Variants in TUBGCP6 observed in about 807,000 individuals in gnomAD.
TUBGCP6 encodes the protein tubulin gamma complex component 6, also known as gamma-tubulin complex component 6.
Under a neutral mutation model 175.8 loss-of-function variants are expected in TUBGCP6, and 161 were observed. The ratio of observed to expected loss-of-function variants is 0.92; its 90% CI spans 0.81 to 1.04. The LOEUF (loss-of-function observed/expected upper bound fraction) is 1.04. Ranked by LOEUF, TUBGCP6 falls within the 50% of genes least tolerant of loss-of-function variation. The pLI is 0.00. For missense variants in TUBGCP6, 2,572 were observed against 2,433.0 expected (o/e 1.06, Z -1.20); for synonymous variants, 1,173 against 1,030.5 (o/e 1.14, Z -2.65).
intron 4 of TUBGCP6, among the ~76,000 whole-genome samples, chr22:50,228,282 GCCCACCACCAACC>G (rs2064642554): frequency 6.8e-6 from 1 of 147,916 alleles, no homozygotes; most frequent in Non-Finnish European, 1.5e-5. Flanking sequence ...CCCCAGGGGC[GCCCACCACCAACC>G]CTTCCTCTCA....
chr22:50,219,418 G>A lies in TUBGCP6; in HGVS notation c.4354C>T (p.Pro1452Ser), dbSNP rs781335269. 1 of 1,569,668 alleles carries A rather than the reference G, an allele frequency of 6.4e-7. No individual in the cohort carries two copies. Among genetic ancestry groups the A allele is most frequent in the Middle Eastern group, 1.7e-4 (1 of 5,972 alleles). ...TCCACGGGGAAGGCGAAGGCCCGGG[G>A]AAGCACGGGGCGCAAAAGATGAGCA... ...PIAHLLRPVLPRAFAFPVDPQ... is the reference protein window; with the variant it reads ...PIAHLLRPVLSRAFAFPVDPQ... The change falls in exon 19 of 25, where the codon CCC (proline) becomes TCC (serine). Residue 1452 changes from proline (P) to serine (S), a missense_variant. Transcript: ENST00000248846.
In TUBGCP6 at chr22:50,234,901, T is replaced by C. The variant is rs556861736; in HGVS notation, c.906-1375A>G. On this transcript the variant is annotated intron_variant, in intron 2 of 24. Coordinates refer to ENST00000248846, the MANE Select transcript of TUBGCP6 (RefSeq NM_020461.4). Reference sequence around the variant, plus strand: ...CCCATGGCAGCATCATCCACACCCCTGTCCACAGCAGCATCCACACCCAGG... The same window carrying C: ...CCCATGGCAGCATCATCCACACCCCCGTCCACAGCAGCATCCACACCCAGG... Among the ~76,000 whole-genome samples, 249 of 119,514 alleles carry C rather than the reference T, an allele frequency of 2.1e-3. 1 individual carries two copies. The highest frequency in any genetic ancestry group is 8.2e-3 in the African/African-American group (239 of 29,286). 78.4% of individuals were successfully genotyped at this position (119,514 alleles called of 152,430 possible). A position where few individuals can be genotyped will look rare whatever the true frequency, so the allele number is the denominator to read the frequency against.
intron 2 of TUBGCP6, among the ~76,000 whole-genome samples, chr22:50,238,434 C>G (rs1262576516): frequency 6.8e-6 from 1 of 146,964 alleles, no homozygotes; most frequent in East Asian, 2.0e-4. Flanking sequence ...GGCAACAGAA[C>G]AAGACTCCGC....
intron 9 of TUBGCP6, 33 bp downstream of exon 9, chr22:50,226,017 C>T: frequency 6.2e-7 from 1 of 1,613,736 alleles, no homozygotes. Context: ...GAAGACCGGC[C>T]CCTCTCTTCC....
intron 1 of TUBGCP6, among the ~76,000 whole-genome samples, chr22:50,241,324 C>G (rs953298207): frequency 1.8e-4 from 27 of 152,098 alleles, no homozygotes; most frequent in African/African-American, 6.5e-4. Flanking sequence ...CCTGGGAAGA[C>G]GCCCATTACC....
chr22:50,220,780 A>C lies in TUBGCP6; in HGVS notation c.3579T>G (p.Asp1193Glu), dbSNP rs759025850. 6 of 1,531,626 alleles carry C rather than the reference A, an allele frequency of 3.9e-6. No homozygotes were observed. The highest frequency in any genetic ancestry group is 1.8e-4 in the Middle Eastern group (1 of 5,640). 94.9% of individuals were successfully genotyped at this position (1,531,626 alleles called of 1,614,324 possible). Residue 1193 changes from aspartate to glutamate, a missense_variant, in exon 16 of 25, where the codon GAT (aspartate) becomes GAG (glutamate). Coordinates refer to ENST00000248846, the MANE Select transcript of TUBGCP6 (RefSeq NM_020461.4). ...PRWNTHGHVS[D>E]ASISLGESVS... The stretch of plus-strand genomic sequence containing the variant: ...CAGACTCCCCCAAGCTGATGCTGGC[A>C]TCAGACACGTGTCCATGGGTGTTCC...
intron 5 of TUBGCP6, 79 bp downstream of exon 5, chr22:50,227,828 A>T: frequency 6.6e-7 from 1 of 1,526,012 alleles, no homozygotes; most frequent in Non-Finnish European, 8.8e-7. Flanking sequence ...GCCAGGGAGC[A>T]GGGCAAACCC....
In TUBGCP6 at chr22:50,219,140, C is replaced by T. The variant is rs763434944; in HGVS notation, c.4554G>A (p.Glu1518=). Residue 1518 remains glutamate (E), a synonymous_variant, in exon 20 of 25, where the codon GAG becomes GAA. Coordinates refer to ENST00000248846, the MANE Select transcript of TUBGCP6 (RefSeq NM_020461.4). ...CCATCAGCAGGAAGTGCCGCAGTGC[C>T]TCATAGTGCGCCTCCAGGTGCAGCT... ...FVELHLEAHY[E]ALRHFLLMED... 2 of 1,612,998 alleles carry T rather than the reference C, an allele frequency of 1.2e-6. No homozygotes were observed. Among genetic ancestry groups the T allele is most frequent in the African/African-American group, 1.3e-5 (1 of 74,942 alleles).
At chr22:50,242,561 C>T (rs1391305394) in intron 1 of TUBGCP6, among the ~76,000 whole-genome samples, 9 of 152,208 alleles carry the variant, frequency 5.9e-5, no homozygotes, top group African/African-American at 2.2e-4. Flanking sequence ...GTTTCTAAAT[C>T]ATCTAGCTAT....
Position 50,227,927 on chromosome 22 carries a change from C to A in TUBGCP6, c.1392G>T (p.Lys464Asn), listed in dbSNP as rs770851377. 10 of 1,576,150 alleles carry A rather than the reference C, an allele frequency of 6.3e-6. No individual in the cohort carries two copies. The highest frequency in any genetic ancestry group is 8.6e-7 in the Non-Finnish European group (1 of 1,160,558). ...LSLLTIGFLF[K>N]KLGRQLRYLA... is the part of the protein sequence containing the mutation. ...CTCACCTGAGCTGCCGGCCAAGTTT[C>A]TTGAAGAGAAAACCAATGGTGAGGA... The change falls in exon 5 of 25, where the codon AAG (lysine) becomes AAT (asparagine). Residue 464 changes from lysine to asparagine, a missense_variant. Lys to Asn is a moderately conservative substitution (Grantham distance 94, BLOSUM62 0). Coordinates refer to ENST00000248846, the MANE Select transcript of TUBGCP6 (RefSeq NM_020461.4).
chr22:50,239,752 A>G (rs908636886), intron 2 of TUBGCP6, among the ~76,000 whole-genome samples: 2 of 152,200 alleles, frequency 1.3e-5, no homozygotes, highest in Non-Finnish European at 2.9e-5. Flanking sequence ...CATGAATGGA[A>G]AAGGCTCCTT....
At position 50,217,750 on chromosome 22, in the gene TUBGCP6, A is replaced by AGTAGTT; in HGVS notation, c.5440_5445dup (p.Asn1814_Tyr1815dup). On this transcript the variant is annotated inframe_insertion, in exon 25 of 25. Coordinates refer to ENST00000248846, the MANE Select transcript of TUBGCP6 (RefSeq NM_020461.4). ...GCAGAGCAGCCTCAGGCGTCCTGGT[A>AGTAGTT]GTAGTTGTTGAAGTTGATGCGCAGC... The AGTAGTT allele has an allele frequency of 1.2e-6, 2 of 1,613,854 alleles. No homozygotes were observed. Among genetic ancestry groups the AGTAGTT allele is most frequent in the South Asian group, 1.1e-5 (1 of 91,060 alleles).
At chr22:50,235,082 A>G (rs1480241015) in intron 2 of TUBGCP6, among the ~76,000 whole-genome samples, 1 of 149,944 alleles carries the variant, frequency 6.7e-6, no homozygotes, top group African/African-American at 2.5e-5. Context: ...ACCCCTGTCC[A>G]TGGGAACATC....
At position 50,220,330 on chromosome 22, in the gene TUBGCP6, C is replaced by G. The variant is rs375334370; in HGVS notation, c.4029G>C (p.Val1343=). The change falls in exon 16 of 25, where the codon GTG becomes GTC. Residue 1343 remains valine (V), a synonymous_variant. Coordinates refer to ENST00000248846, the MANE Select transcript of TUBGCP6 (RefSeq NM_020461.4). Reference sequence around the variant, plus strand: ...GAGCCACGTCTGACACGTTCTCCCCCACGCTGATGCTCCCCTCCCCGCAGC... The same window carrying G: ...GAGCCACGTCTGACACGTTCTCCCCGACGCTGATGCTCCCCTCCCCGCAGC... ...SSGCGEGSIS[V]GENVSDVAPT... 1.5e-5 allele frequency: 23 copies of G among 1,556,530 alleles called. No individual in the cohort carries two copies. In the Middle Eastern group the frequency reaches 5.1e-4, roughly 35 times the overall value.
intron 24 of TUBGCP6, 30 bp from the exon 25 acceptor site, chr22:50,217,857 G>C (rs376446485): frequency 6.2e-7 from 1 of 1,611,988 alleles, no homozygotes; most frequent in Non-Finnish European, 8.5e-7. Flanking sequence ...TCAGGCTTTT[G>C]CCCACAGTGT....
At chr22:50,230,796 A>G (rs1229540727) in intron 3 of TUBGCP6, among the ~76,000 whole-genome samples, 1 of 151,284 alleles carries the variant, frequency 6.6e-6, no homozygotes, top group African/African-American at 2.4e-5. Flanking sequence ...AAAGAAAAGA[A>G]AAACAGGCTG....
intron 5 of TUBGCP6, among the ~76,000 whole-genome samples, chr22:50,227,335 T>G (rs1363484276): frequency 1.3e-5 from 2 of 151,988 alleles, no homozygotes; most frequent in Admixed American, 1.3e-4. Flanking sequence ...TCCCAGGATC[T>G]GGCCAACACA....
chr22:50,218,032 T>A lies in TUBGCP6; in HGVS notation c.5254A>T (p.Ile1752Phe). ...CCAGGGGGCCCCCAGGCCTGGGAGA[T>A]GAGCTGGCTGCGGAACTTGAGCACG... ...SLVLKFRSQLISQAWGPPGGP... is the reference protein window; with the variant it reads ...SLVLKFRSQLFSQAWGPPGGP... The change falls in exon 24 of 25, where the codon ATC (isoleucine) becomes TTC (phenylalanine). Residue 1752 changes from isoleucine (I) to phenylalanine (F), a missense_variant. Physicochemically the swap from Ile to Phe is conservative, Grantham distance 21 (BLOSUM62 0). Coordinates refer to ENST00000248846, the MANE Select transcript of TUBGCP6 (RefSeq NM_020461.4). The A allele has an allele frequency of 6.2e-7, 1 of 1,612,678 alleles. No homozygotes were observed. The highest frequency in any genetic ancestry group is 1.1e-5 in the South Asian group (1 of 91,074).
At chr22:50,240,817 C>T (rs1033518855) in intron 1 of TUBGCP6, among the ~76,000 whole-genome samples, 3 of 152,182 alleles carry the variant, frequency 2.0e-5, no homozygotes, top group Admixed American at 6.5e-5. Context: ...TGTGAAACCC[C>T]GTCTCTACTA....
Sources: allele counts gnomAD v4.1 joint callset (sites outside exome capture counted in the v4.1 genomes callset), GRCh38; gene constraint gnomAD v4.1.1; transcripts MANE v1.5; gene names NCBI Gene and HGNC (gene_info 2026-07-23, HGNC 2026-07-21).